KCNH7: variants seen among roughly 807,000 people sequenced by gnomAD.
KCNH7 encodes potassium voltage-gated channel subfamily H member 7.
In KCNH7, 49 loss-of-function variants were observed where a neutral mutation model predicts 120.8. The observed-to-expected ratio is 0.41, with a 90% CI of 0.32 to 0.51. The LOEUF (loss-of-function observed/expected upper bound fraction) is 0.51. Ranked by LOEUF, KCNH7 falls within the 20% of genes least tolerant of loss-of-function variation. The pLI is 0.38. For missense variants in KCNH7, 1,097 were observed against 1,446.6 expected (o/e 0.76, Z 3.92); for synonymous variants, 547 against 516.1 (o/e 1.06, Z -0.81).
At chr2:162,575,979 G>T (rs1693656238) in intron 2 of KCNH7, among the ~76,000 whole-genome samples, 1 of 152,044 alleles carries the variant, frequency 6.6e-6, no homozygotes, top group Non-Finnish European at 1.5e-5. Context: ...AGAAAATGGG[G>T]TTTTTCCATA....
chr2:162,586,335 G>C (rs1208959086), intron 2 of KCNH7, among the ~76,000 whole-genome samples: 1 of 152,034 alleles, frequency 6.6e-6, no homozygotes. Context: ...GGAACGTTGA[G>C]AGCACCAGAC....
intron 2 of KCNH7, among the ~76,000 whole-genome samples, chr2:162,597,068 C>T (rs1480693906): frequency 1.3e-5 from 2 of 151,998 alleles, no homozygotes; most frequent in African/African-American, 4.8e-5. Flanking sequence ...AGGATGTGGA[C>T]AAAAGTCCGA....
chr2:162,475,196 C>G lies in KCNH7; in HGVS notation c.1129-28753G>C, dbSNP rs144475481. Among the ~76,000 whole-genome samples, 121 of 152,176 alleles carry G rather than the reference C, an allele frequency of 8.0e-4. No homozygotes were observed. The East Asian group carries it at 0.019, about 24-fold the overall frequency. On this transcript the variant is annotated intron_variant, in intron 6 of 15. Transcript: ENST00000332142. ...CTGGAGACATGTGGTATACATGTGG[C>G]GAATGACACTGTTTAAAGATGCCAT...
intron 2 of KCNH7, among the ~76,000 whole-genome samples, chr2:162,626,625 T>C (rs1344756607): frequency 6.6e-6 from 1 of 152,144 alleles, no homozygotes; most frequent in Non-Finnish European, 1.5e-5. Context: ...TCTGAGCCAA[T>C]TTATCCGAAT....
intron 3 of KCNH7, among the ~76,000 whole-genome samples, chr2:162,521,352 G>C (rs1318005655): frequency 6.6e-6 from 1 of 151,962 alleles, no homozygotes; most frequent in East Asian, 2.0e-4. Context: ...AATAATTAGA[G>C]AATCTTAACC....
chr2:162,640,389 G>A (rs1277153618), intron 2 of KCNH7, among the ~76,000 whole-genome samples: 1 of 151,850 alleles, frequency 6.6e-6, no homozygotes, highest in African/African-American at 2.4e-5. Context: ...CCTAGAAATA[G>A]ACCCACATAA....
chr2:162,538,489 A>C (rs1437704586), intron 2 of KCNH7, among the ~76,000 whole-genome samples: 1 of 152,044 alleles, frequency 6.6e-6, no homozygotes, highest in Non-Finnish European at 1.5e-5. Flanking sequence ...AAATGTGAGC[A>C]AGTGCCAGGA....
chr2:162,731,945 G>C (rs1574318203), intron 2 of KCNH7, among the ~76,000 whole-genome samples: 1 of 152,276 alleles, frequency 6.6e-6, no homozygotes, highest in Admixed American at 6.5e-5. Flanking sequence ...AACTTGAACT[G>C]TTAACTCCTG....
intron 2 of KCNH7, among the ~76,000 whole-genome samples, chr2:162,679,826 C>A (rs1000413054): frequency 6.6e-6 from 1 of 151,670 alleles, no homozygotes; most frequent in Admixed American, 6.6e-5. Flanking sequence ...ACTTGGCCTT[C>A]TGAAACATCT....
At chr2:162,402,879 A>G (rs1261628786) in intron 9 of KCNH7, among the ~76,000 whole-genome samples, 1 of 151,864 alleles carries the variant, frequency 6.6e-6, no homozygotes, top group African/African-American at 2.4e-5. Flanking sequence ...GAGAAAAGAG[A>G]TAGAGATGAG....
chr2:162,647,265 G>A (rs760963316), intron 2 of KCNH7, among the ~76,000 whole-genome samples: 34 of 152,126 alleles, frequency 2.2e-4, no homozygotes, highest in Non-Finnish European at 2.6e-4. Flanking sequence ...GGGCTCTGAC[G>A]TGTTTTTTTG....
chr2:162,417,743 C>T lies in KCNH7; in HGVS notation c.2154+5593G>A, dbSNP rs886323835. Among the ~76,000 whole-genome samples, 9 of 152,076 alleles carry T rather than the reference C, an allele frequency of 5.9e-5. No homozygotes were observed. In the South Asian group the frequency reaches 1.2e-3, roughly 21 times the overall value. ...GCATCATTCCAACTGTAAATAAGTC[C>T]TCCTTGATGATGGTTGGAGACCAGG... is the stretch of plus-strand genomic sequence containing the variant. On this transcript the variant is annotated intron_variant, in intron 9 of 15. Coordinates refer to ENST00000332142, the MANE Select transcript of KCNH7 (RefSeq NM_033272.4).
intron 2 of KCNH7, among the ~76,000 whole-genome samples, chr2:162,681,978 T>G (rs1574259989): frequency 6.6e-6 from 1 of 151,816 alleles, no homozygotes; most frequent in Non-Finnish European, 1.5e-5. Context: ...AAATTAATTT[T>G]TTCTGTGTTT....
intron 2 of KCNH7, among the ~76,000 whole-genome samples, chr2:162,598,073 GT>G (rs1289613556): frequency 6.6e-6 from 1 of 151,696 alleles, no homozygotes; most frequent in African/African-American, 2.4e-5. Flanking sequence ...GTTTATTTCC[GT>G]TTTTTCCCCA....
intron 6 of KCNH7, among the ~76,000 whole-genome samples, chr2:162,450,733 G>T (rs1688739483): frequency 6.6e-6 from 1 of 151,972 alleles, no homozygotes; most frequent in Non-Finnish European, 1.5e-5. Context: ...ATATTATTAG[G>T]CAGAGGAATC....
At chr2:162,436,853 T>C (rs1316272096) in intron 7 of KCNH7, among the ~76,000 whole-genome samples, 1 of 152,162 alleles carries the variant, frequency 6.6e-6, no homozygotes, top group African/African-American at 2.4e-5. Flanking sequence ...CTTGTGCCTA[T>C]AATCCCAGTA....
intron 9 of KCNH7, among the ~76,000 whole-genome samples, chr2:162,413,778 TA>T (rs914372223): frequency 6.7e-6 from 1 of 149,982 alleles, no homozygotes; most frequent in African/African-American, 2.4e-5. Context: ...TAGATAATAT[TA>T]AAAAAAAACA....
At chr2:162,476,707 T>G (rs959481374) in intron 6 of KCNH7, among the ~76,000 whole-genome samples, 5 of 152,194 alleles carry the variant, frequency 3.3e-5, no homozygotes, top group Non-Finnish European at 7.3e-5. Flanking sequence ...AATCCTATAC[T>G]ATCTTTAGTA....
intron 2 of KCNH7, among the ~76,000 whole-genome samples, chr2:162,728,700 C>G (rs1687615141): frequency 6.6e-6 from 1 of 152,124 alleles, no homozygotes; most frequent in African/African-American, 2.4e-5. Context: ...ATAGCTTGAA[C>G]CCAGGAGGCA....
Sources: gnomAD v4.1 joint callset for allele counts (sites outside exome capture counted in the v4.1 genomes callset) on GRCh38, gnomAD v4.1.1 for gene constraint, MANE v1.5 for transcripts, NCBI Gene and HGNC (gene_info 2026-07-23, HGNC 2026-07-21) for gene names.